Variants in KDR observed in about 807,000 individuals in gnomAD.
KDR encodes kinase insert domain receptor.
A neutral mutation model predicts 160.9 loss-of-function variants in KDR; 43 were observed. The observed-to-expected ratio is 0.27, with a 90% CI of 0.21 to 0.34. The LOEUF (loss-of-function observed/expected upper bound fraction) is 0.34, where lower values mean the gene tolerates loss of function less well. Ranked by LOEUF, KDR falls within the 10% of genes least tolerant of loss-of-function variation. The pLI is 1.00. For missense variants in KDR, 1,469 were observed against 1,666.4 expected (o/e 0.88, Z 2.06); for synonymous variants, 617 against 600.1 (o/e 1.03, Z -0.41).
chr4:55,102,014 C>A lies in KDR; in HGVS notation c.2149G>T (p.Asp717Tyr), dbSNP rs1302099809. The A allele has an allele frequency of 6.2e-7, 1 of 1,613,558 alleles. No homozygotes were observed. Among genetic ancestry groups the A allele is most frequent in the Admixed American group, 1.7e-5 (1 of 59,984 alleles). ...CGGATAGTGAGGTTCCGGTTCCCAT[C>A]CTTCAATACAATGCCTAACAGAGGA... ...LVEDSGIVLK[D>Y]GNRNLTIRRV... The change falls in exon 15 of 30, where the codon GAT (aspartate) becomes TAT (tyrosine). Residue 717 changes from aspartate (D) to tyrosine (Y), a missense_variant. Coordinates refer to ENST00000263923, the MANE Select transcript of KDR (RefSeq NM_002253.4).
chr4:55,096,744 C>T (rs980416857), intron 18 of KDR: 3 of 302,100 alleles, frequency 9.9e-6, no homozygotes, highest in Admixed American at 4.7e-5. Flanking sequence ...AATATCTTCA[C>T]GTGTTAGGGG....
intron 1 of KDR, among the ~76,000 whole-genome samples, chr4:55,123,137 T>C (rs1720938326): frequency 6.6e-6 from 1 of 152,076 alleles, no homozygotes; most frequent in South Asian, 2.1e-4. Context: ...AACCAAAATG[T>C]TTAAAAGCAA....
chr4:55,079,505 T>C lies in KDR; in HGVS notation c.*436A>G, dbSNP rs535568930. On this transcript the variant is annotated 3_prime_UTR_variant, in exon 30 of 30. Transcript: ENST00000263923. ...GGACCCACGTCCTAAACAAAGCCTC[T>C]TGGATAGACTCAGCCCTGCAAATCC... 6.5e-5 allele frequency: 22 copies of C among 339,684 alleles called. No individual in the cohort carries two copies. Among genetic ancestry groups the C allele is most frequent in the African/African-American group, 4.2e-4 (21 of 49,452 alleles). The allele number at this position is 339,684 out of a possible 1,614,324, so 21.0% of individuals were successfully genotyped here. A position where few individuals can be genotyped will look rare whatever the true frequency, so the allele number is the denominator to read the frequency against.
Position 55,125,230 on chromosome 4 carries a change from C to G in KDR, c.64G>C (p.Val22Leu). 1.9e-6 allele frequency: 3 copies of G among 1,612,526 alleles called. No individual in the cohort carries two copies. Among genetic ancestry groups the G allele is most frequent in the Non-Finnish European group, 1.7e-6 (2 of 1,179,558 alleles). ...TCCTCCAGAGTGGGCTCCTTACCCA[C>G]AGAGGCGGCCCGGGTCTCCACGCAG... The part of the protein sequence containing the change: ...WLCVETRAAS[V>L]GLPSVSLDLP... The change falls in exon 1 of 30, where the codon GTG (valine) becomes CTG (leucine). Residue 22 changes from valine to leucine, a missense_variant. Physicochemically the swap from Val to Leu is conservative, Grantham distance 32. Transcript: ENST00000263923.
At chr4:55,103,554 C>T (rs987422825) in intron 13 of KDR, among the ~76,000 whole-genome samples, 4 of 152,078 alleles carry the variant, frequency 2.6e-5, no homozygotes, top group African/African-American at 9.7e-5. Context: ...CCAGACAAGC[C>T]AACAGAAAAT....
intron 11 of KDR, 131 bp from the exon 12 acceptor site, chr4:55,106,071 C>T (rs1720439558): frequency 1.3e-6 from 1 of 751,316 alleles, no homozygotes; most frequent in Non-Finnish European, 2.5e-6. Context: ...GTTGGACACG[C>T]TCAAATTTAT....
Position 55,118,606 on chromosome 4 carries a change from T to G in KDR, c.356A>C (p.Gln119Pro), listed in dbSNP as rs768174958. ...ATGAATTTTATTTCACCACTTACCT[T>G]GAACATAGACATAAATGACCGAGGC... ...DLASVIYVYV[Q>P]DYRSPFIASV... is the part of the protein sequence containing the mutation. The change falls in exon 3 of 30, where the codon CAA (glutamine) becomes CCA (proline). Residue 119 changes from glutamine (Q) to proline (P), a missense_variant and splice_region_variant. Gln to Pro is a moderately conservative substitution (Grantham distance 76, BLOSUM62 -1). This residue lies in a region of KDR where 792 missense variants were observed against 840.9 expected (regional missense o/e 0.94). Coordinates refer to ENST00000263923, the MANE Select transcript of KDR (RefSeq NM_002253.4). 1 of 1,612,304 alleles carries G rather than the reference T, an allele frequency of 6.2e-7. No individual in the cohort carries two copies. Among genetic ancestry groups the G allele is most frequent in the Non-Finnish European group, 8.5e-7 (1 of 1,178,274 alleles).
intron 16 of KDR, 46 bp from the exon 17 acceptor site, chr4:55,098,318 C>T (rs1397220115): frequency 1.2e-6 from 2 of 1,611,422 alleles, no homozygotes; most frequent in Non-Finnish European, 1.7e-6. Flanking sequence ...TGTTGTTTGG[C>T]TGTTGTTTTG....
Position 55,079,829 on chromosome 4 carries a change from C to G in KDR, c.*112G>C. On this transcript the variant is annotated 3_prime_UTR_variant, in exon 30 of 30. Coordinates refer to ENST00000263923, the MANE Select transcript of KDR (RefSeq NM_002253.4). ...CAGTCCGAGGTCCTTTTTCTGTTGT[C>G]GAAATGAAAATCAAATGCGGCTACT... 1 of 995,986 alleles carries G rather than the reference C, an allele frequency of 1.0e-6. No individual in the cohort carries two copies. The highest frequency in any genetic ancestry group is 1.6e-6 in the Non-Finnish European group (1 of 622,676). The allele number at this position is 995,986 out of a possible 1,614,324, so 61.7% of individuals were successfully genotyped here.
chr4:55,105,729 A>G, intron 12 of KDR, 103 bp downstream of exon 12: 1 of 796,488 alleles, frequency 1.3e-6, no homozygotes, highest in East Asian at 2.4e-5. Context: ...TCTTTCCTAA[A>G]TGCCATGCCA....
At chr4:55,082,722 C>T in intron 27 of KDR, 87 bp from the exon 28 acceptor site, 2 of 932,212 alleles carry the variant, frequency 2.1e-6, no homozygotes, top group Non-Finnish European at 3.5e-6. Context: ...CAACCACAAA[C>T]TTAATAGCAA....
At chr4:55,092,428 T>A in intron 22 of KDR, 189 bp downstream of exon 22, 1 of 617,684 alleles carries the variant, frequency 1.6e-6, no homozygotes. Context: ...ATTATACAGC[T>A]TAATTTCATG....
chr4:55,097,180 A>C (rs906436230), intron 18 of KDR, among the ~76,000 whole-genome samples: 1 of 152,170 alleles, frequency 6.6e-6, no homozygotes, highest in Non-Finnish European at 1.5e-5. Context: ...ATAACCCATT[A>C]TATTTTTTTC....
At chr4:55,081,830 A>T in intron 29 of KDR, 126 bp downstream of exon 29, 2 of 670,130 alleles carry the variant, frequency 3.0e-6, no homozygotes, top group Non-Finnish European at 2.7e-6. Flanking sequence ...TTATTTGTTA[A>T]ATTGATGCTA....
At chr4:55,121,334 T>A (rs552404498) in intron 1 of KDR, 144 bp from the exon 2 acceptor site, 10 of 671,034 alleles carry the variant, frequency 1.5e-5, no homozygotes, top group East Asian at 1.1e-4. Flanking sequence ...CTTTTCACCA[T>A]TCTCAGTAAA....
intron 17 of KDR, 125 bp downstream of exon 17, chr4:55,098,012 G>T: frequency 1.5e-6 from 2 of 1,300,486 alleles, no homozygotes; most frequent in South Asian, 1.2e-5. Flanking sequence ...ACAAATTCAA[G>T]AAATGGAATT....
At chr4:55,087,905 A>C in intron 26 of KDR, 147 bp from the exon 27 acceptor site, 1 of 772,040 alleles carries the variant, frequency 1.3e-6, no homozygotes. Context: ...AACAATACAA[A>C]TCATGTGTCA....
intron 29 of KDR, 81 bp downstream of exon 29, chr4:55,081,875 T>C (rs1222594406): frequency 2.1e-6 from 2 of 931,672 alleles, no homozygotes; most frequent in African/African-American, 3.2e-5. Context: ...ATAGGGAAAA[T>C]TCTGCACTTA....
intron 27 of KDR, among the ~76,000 whole-genome samples, chr4:55,085,821 T>C (rs1484361662): frequency 1.3e-5 from 2 of 152,222 alleles, no homozygotes; most frequent in Admixed American, 1.3e-4. Context: ...TCCACGCTTC[T>C]GGGGATAAAC....
Sources: allele counts gnomAD v4.1 joint callset (sites outside exome capture counted in the v4.1 genomes callset), GRCh38; gene constraint gnomAD v4.1.1; regional missense constraint gnomAD v4.1.1; transcripts MANE v1.5; gene names NCBI Gene and HGNC (gene_info 2026-07-23, HGNC 2026-07-21).